The following ERG variants were observed in gnomAD, a reference collection of about 807,000 sequenced individuals.
ERG encodes the protein ETS transcription factor ERG.
A neutral mutation model predicts 55.3 loss-of-function variants in ERG; 9 were observed. That is an observed-to-expected ratio of 0.16 (90% CI 0.10 to 0.28). ERG has a LOEUF of 0.28. Among genes scored for constraint, ERG ranks in the 10% least tolerant of loss-of-function variants. ERG has a pLI of 1.00. For missense variants in ERG, 434 were observed against 631.6 expected (o/e 0.69, Z 3.35); for synonymous variants, 223 against 237.3 (o/e 0.94, Z 0.55).
intron 5 of ERG, 52 bp from the exon 6 acceptor site, chr21:38,400,697 G>A (rs373942903): frequency 9.4e-6 from 13 of 1,382,724 alleles, no homozygotes; most frequent in African/African-American, 5.7e-5. Context: ...TGTGGTTGTC[G>A]ATCTCAACAT....
chr21:38,583,522 C>T (rs1002952633), intron 1 of ERG, among the ~76,000 whole-genome samples: 14 of 152,196 alleles, frequency 9.2e-5, no homozygotes, highest in African/African-American at 3.4e-4. Flanking sequence ...AAATGGACTT[C>T]TTCAGTAGGA....
At chr21:38,367,538 A>G in the ERG span, 1 of 465,736 alleles carries the variant, frequency 2.1e-6, no homozygotes, top group African/African-American at 1.9e-5. Context: ...TTCCCCCAGA[A>G]TAAGTGATGC....
At chr21:38,647,067 C>T (rs542268269) in intron 1 of ERG, among the ~76,000 whole-genome samples, 12 of 152,150 alleles carry the variant, frequency 7.9e-5, no homozygotes, top group South Asian at 2.1e-4. Context: ...TGATAAGTAC[C>T]GTGTCACCTT....
intron 2 of ERG, among the ~76,000 whole-genome samples, chr21:38,544,943 C>T (rs8132394): frequency 6.6e-6 from 1 of 151,748 alleles, no homozygotes; most frequent in Non-Finnish European, 1.5e-5. Context: ...AATTGCTCAT[C>T]CTCTTACTAA....
chr21:38,616,762 G>T (rs1045350552), intron 1 of ERG, among the ~76,000 whole-genome samples: 2 of 152,040 alleles, frequency 1.3e-5, no homozygotes, highest in Admixed American at 6.6e-5. Flanking sequence ...AGCACTGCCT[G>T]GAGGAAATGC....
intron 2 of ERG, among the ~76,000 whole-genome samples, chr21:38,444,362 G>A (rs1439597761): frequency 1.3e-5 from 2 of 152,132 alleles, no homozygotes; most frequent in African/African-American, 2.4e-5. Context: ...TATACTTCAT[G>A]AGGGGCTGCT....
Position 38,381,820 on chromosome 21 carries a change from G to T in ERG, c.*1583C>A, listed in dbSNP as rs1490253081. On this transcript the variant is annotated 3_prime_UTR_variant, in exon 10 of 10. Transcript: ENST00000288319. ...CCCGGGGTCCTTCTGTTCCAAAAGG[G>T]GCTAGAAATAAAAGACAGGAGGGGA... is the stretch of plus-strand genomic sequence containing the variant. The T allele has an allele frequency of 6.3e-5, 67 of 1,063,524 alleles. 2 individuals are homozygous for T. The Admixed American group carries it at 3.5e-3, about 56-fold the overall frequency. The allele number at this position is 1,063,524 out of a possible 1,614,324, so 65.9% of individuals were successfully genotyped here. A position where few individuals can be genotyped will look rare whatever the true frequency, so the allele number is the denominator to read the frequency against.
chr21:38,598,949 G>T (rs1040896185), intron 1 of ERG, among the ~76,000 whole-genome samples: 2 of 152,152 alleles, frequency 1.3e-5, no homozygotes, highest in African/African-American at 4.8e-5. Flanking sequence ...TCCACCCCAG[G>T]GAAAGAAAGG....
intron 2 of ERG, among the ~76,000 whole-genome samples, chr21:38,439,735 T>C (rs2058822852): frequency 6.6e-6 from 1 of 152,242 alleles, no homozygotes; most frequent in Non-Finnish European, 1.5e-5. Flanking sequence ...CCTGTTTTTC[T>C]TTTATTATGC....
At chr21:38,574,063 G>C (rs2059979923) in intron 2 of ERG, among the ~76,000 whole-genome samples, 1 of 152,050 alleles carries the variant, frequency 6.6e-6, no homozygotes. Context: ...TTTCCTTCTG[G>C]TTGCCTGGAG....
At chr21:38,463,437 G>T (rs1013106452) in intron 1 of ERG, among the ~76,000 whole-genome samples, 1 of 152,230 alleles carries the variant, frequency 6.6e-6, no homozygotes, top group Admixed American at 6.5e-5. Flanking sequence ...CTGGCTCCAT[G>T]AGGGCAGAGA....
At chr21:38,526,502 A>T (rs2059631556) in intron 2 of ERG, among the ~76,000 whole-genome samples, 1 of 152,232 alleles carries the variant, frequency 6.6e-6, no homozygotes, top group South Asian at 2.1e-4. Context: ...CTCATGATTT[A>T]ACTGATAAAC....
Position 38,545,355 on chromosome 21 carries a change from G to T in ERG, c.-41+30307C>A, listed in dbSNP as rs541960817. Among the ~76,000 whole-genome samples, 5 of 152,200 alleles carry T rather than the reference G, an allele frequency of 3.3e-5. No homozygotes were observed. The South Asian group carries it at 1.0e-3, about 32-fold the overall frequency. On this transcript the variant is annotated intron_variant, in intron 2 of 8. Coordinates refer to the ERG transcript ENST00000398897. ...CTCCCCCTTCACTCTTGACTCAGAG[G>T]TAAACGCTCCCTTGCTCCCAAATCC...
chr21:38,622,931 CCACA>C (rs1158610576), intron 1 of ERG, among the ~76,000 whole-genome samples: 2,443 of 122,796 alleles, frequency 0.02, 60 homozygotes, highest in African/African-American at 0.063. Context: ...CCATACCACA[CCACA>C]CACACACACA....
chr21:38,406,175 A>AAAAAAAAAAAAAAAAAC (rs1988762668), intron 3 of ERG, among the ~76,000 whole-genome samples: 1 of 139,234 alleles, frequency 7.2e-6, no homozygotes, highest in Non-Finnish European at 1.6e-5. Flanking sequence ...AAAAAAAAAA[A>AAAAAAAAAAAAAAAAAC]TCATCAGTGC....
Position 38,528,756 on chromosome 21 carries a change from AC to A in ERG, c.-41+46905del, listed in dbSNP as rs2059650757. Among the ~76,000 whole-genome samples the A allele has an allele frequency of 2.6e-5, 4 of 152,088 alleles. No homozygotes were observed. The South Asian group carries it at 8.3e-4, about 32-fold the overall frequency. On this transcript the variant is annotated intron_variant, in intron 2 of 8. Coordinates refer to the ERG transcript ENST00000398897. ...AGCCACCGCGCCCGGCCCATAGCAA[AC>A]TTTTGTAAACATAACTATTTATTAA...
At chr21:38,541,923 A>AAATTT (rs2059755360) in intron 2 of ERG, among the ~76,000 whole-genome samples, 3 of 152,050 alleles carry the variant, frequency 2.0e-5, no homozygotes, top group African/African-American at 7.2e-5. Context: ...AAATTAAATT[A>AAATTT]AATTTTTAAA....
At chr21:38,438,533 T>A (rs1037082678) in intron 2 of ERG, among the ~76,000 whole-genome samples, 1 of 152,226 alleles carries the variant, frequency 6.6e-6, no homozygotes, top group African/African-American at 2.4e-5. Context: ...GCATGTTTTT[T>A]AAATAACATC....
At chr21:38,649,811 G>A (rs2060478054) in intron 1 of ERG, among the ~76,000 whole-genome samples, 1 of 152,188 alleles carries the variant, frequency 6.6e-6, no homozygotes, top group Non-Finnish European at 1.5e-5. Context: ...TTTGAAAGCT[G>A]GGGAGCCTGC....
Sources: allele counts gnomAD v4.1 joint callset (sites outside exome capture counted in the v4.1 genomes callset), GRCh38; gene constraint gnomAD v4.1.1; transcripts MANE v1.5; gene names NCBI Gene and HGNC (gene_info 2026-07-23, HGNC 2026-07-21).